LIMA1: variants seen among roughly 807,000 people sequenced by gnomAD.
LIMA1 encodes the protein LIM domain and actin binding 1.
LIMA1 carries 52 observed loss-of-function variants against 62.6 expected under a neutral mutation model. That is an observed-to-expected ratio of 0.83 (90% confidence interval 0.67 to 1.05). LIMA1 has a LOEUF of 1.05. LIMA1 is among the 50% of genes least tolerant of loss of function. LIMA1 has a pLI of 0.00. For missense variants in LIMA1, 780 were observed against 902.2 expected (o/e 0.86, Z 1.74); for synonymous variants, 302 against 317.8 (o/e 0.95, Z 0.53).
intron 1 of LIMA1, among the ~76,000 whole-genome samples, chr12:50,263,851 T>TAGAGAG (rs1215742051): frequency 4.7e-5 from 6 of 127,884 alleles, no homozygotes; most frequent in South Asian, 5.0e-4. Context: ...TATATATATA[T>TAGAGAG]AGAGAGTATA....
chr12:50,238,463 C>A (rs975828806), intron 2 of LIMA1, among the ~76,000 whole-genome samples: 1 of 151,814 alleles, frequency 6.6e-6, no homozygotes, highest in Admixed American at 6.6e-5. Context: ...GCCGAGATTG[C>A]GCCACTGCAC....
At chr12:50,218,502 C>G (rs1033029880) in intron 4 of LIMA1, among the ~76,000 whole-genome samples, 5 of 152,192 alleles carry the variant, frequency 3.3e-5, no homozygotes, top group African/African-American at 9.7e-5. Flanking sequence ...CTCCACAGTA[C>G]TTAGCACAGC....
At chr12:50,247,034 G>C (rs1812970599) in intron 2 of LIMA1, among the ~76,000 whole-genome samples, 1 of 152,162 alleles carries the variant, frequency 6.6e-6, no homozygotes, top group Admixed American at 6.5e-5. Context: ...TACTCAGAAG[G>C]CTGAGGTGGG....
In LIMA1 at chr12:50,205,906, T is replaced by C. The variant is rs563340873; in HGVS notation, c.715+78A>G. 3.8e-5 allele frequency: 38 copies of C among 996,432 alleles called. No homozygotes were observed. The Admixed American group carries it at 5.0e-4, about 13-fold the overall frequency. The allele number at this position is 996,432 out of a possible 1,614,324, so 61.7% of individuals were successfully genotyped here. On this transcript the variant is annotated intron_variant, in intron 5 of 10. Coordinates refer to ENST00000341247, the MANE Select transcript of LIMA1 (RefSeq NM_016357.5). ...TTGTGCCACTCTTCCTTTAAAAGCA[T>C]TGGCTTCGAGTCCAAAAGATGTTAC...
intron 9 of LIMA1, chr12:50,186,387 T>C (rs1175043373): frequency 6.6e-6 from 1 of 152,236 alleles, no homozygotes; most frequent in African/African-American, 2.4e-5. Context: ...ATTAAAACTG[T>C]AGGAAAACAG....
intron 4 of LIMA1, among the ~76,000 whole-genome samples, chr12:50,216,712 A>T (rs746893964): frequency 2.0e-5 from 3 of 151,948 alleles, no homozygotes; most frequent in Non-Finnish European, 4.4e-5. Context: ...AATACAAAAA[A>T]AGTTAGCCGG....
intron 1 of LIMA1, among the ~76,000 whole-genome samples, chr12:50,279,755 G>A (rs1241428240): frequency 6.6e-6 from 1 of 152,192 alleles, no homozygotes; most frequent in East Asian, 1.9e-4. Context: ...ACTATGCATG[G>A]ACAGACAGCT....
At chr12:50,254,674 C>T (rs1007348376) in intron 1 of LIMA1, among the ~76,000 whole-genome samples, 2 of 152,170 alleles carry the variant, frequency 1.3e-5, no homozygotes, top group Non-Finnish European at 2.9e-5. Flanking sequence ...CTGTTGCTTA[C>T]GGTGAGGCCG....
intron 1 of LIMA1, chr12:50,249,922 C>G (rs1471426565): frequency 6.6e-6 from 1 of 152,162 alleles, no homozygotes; most frequent in East Asian, 1.9e-4. Flanking sequence ...TCAGGTACTG[C>G]TTTCAATAAC....
chr12:50,222,575 A>C lies in LIMA1; in HGVS notation c.166-90T>G, dbSNP rs765400289. 4 of 1,578,132 alleles carry C rather than the reference A, an allele frequency of 2.5e-6. No homozygotes were observed. In the East Asian group the frequency reaches 9.2e-5, roughly 36 times the overall value. On this transcript the variant is annotated intron_variant, in intron 3 of 10. Transcript: ENST00000341247. ...TTTGTAAAATGAAAGTTAAAACTCC[A>C]AGCTGCTCCTGGTCCACTGCTGTTT...
intron 9 of LIMA1, chr12:50,188,143 A>G (rs1940672487): frequency 6.6e-6 from 1 of 152,222 alleles, no homozygotes; most frequent in African/African-American, 2.4e-5. Context: ...AAAATTTGAA[A>G]TGAATTGAAT....
chr12:50,181,164 G>A (rs1444830462), intron 10 of LIMA1, among the ~76,000 whole-genome samples: 1 of 151,394 alleles, frequency 6.6e-6, no homozygotes, highest in Non-Finnish European at 1.5e-5. Flanking sequence ...TAACACAGTG[G>A]GCAGCAGAAG....
intron 2 of LIMA1, among the ~76,000 whole-genome samples, chr12:50,238,688 A>G (rs1047644340): frequency 2.6e-5 from 4 of 151,840 alleles, no homozygotes; most frequent in African/African-American, 9.7e-5. Context: ...CGTCTCTACT[A>G]AAAATATAAA....
At chr12:50,203,175 A>G (rs11169316) in intron 6 of LIMA1, among the ~76,000 whole-genome samples, 235 of 150,410 alleles carry the variant, frequency 1.6e-3, no homozygotes, top group African/African-American at 5.2e-3. Context: ...ACACCTGGCT[A>G]ATTTTTTTTT....
Position 50,181,964 on chromosome 12 carries a change from GCCAAGAGACGCT to G in LIMA1, c.1202_1213del (p.Glu401_Leu404del). On this transcript the variant is annotated inframe_deletion, in exon 10 of 11. Transcript: ENST00000341247. ...GCTGATGTGAAACACCTGCTGGTTG[GCCAAGAGACGCT>G]CCATTGGATAGACTGTCTTCTGACA... 5 of 1,613,732 alleles carry G rather than the reference GCCAAGAGACGCT, an allele frequency of 3.1e-6. No individual in the cohort carries two copies. The highest frequency in any genetic ancestry group is 4.2e-6 in the Non-Finnish European group (5 of 1,180,010).
chr12:50,244,747 A>G (rs1565856591), intron 2 of LIMA1, among the ~76,000 whole-genome samples: 1 of 152,086 alleles, frequency 6.6e-6, no homozygotes, highest in Non-Finnish European at 1.5e-5. Flanking sequence ...GCCTTTTCCA[A>G]CCTCTTAACT....
At chr12:50,238,082 T>C (rs931925402) in intron 2 of LIMA1, among the ~76,000 whole-genome samples, 1 of 152,204 alleles carries the variant, frequency 6.6e-6, no homozygotes, top group African/African-American at 2.4e-5. Context: ...TTCTTATTTT[T>C]TCATCTTATT....
intron 7 of LIMA1, among the ~76,000 whole-genome samples, chr12:50,196,915 A>G (rs908200879): frequency 9.2e-5 from 14 of 152,152 alleles, no homozygotes; most frequent in Admixed American, 9.2e-4. Context: ...CGCCTTACAA[A>G]TGCACTATTT....
chr12:50,211,122 G>A lies in LIMA1; in HGVS notation c.631-5054C>T, dbSNP rs555892151. Among the ~76,000 whole-genome samples the A allele has an allele frequency of 3.9e-5, 6 of 152,186 alleles. No individual in the cohort carries two copies. The South Asian group carries it at 1.2e-3, about 32-fold the overall frequency. ...GGATTACCTGAGGTCAGGAGTTCAA[G>A]ACCAACCTGGCCAACCTGGTGAAAC... On this transcript the variant is annotated intron_variant, in intron 4 of 10. Transcript: ENST00000341247.
Sources: gnomAD v4.1 joint callset for allele counts (sites outside exome capture counted in the v4.1 genomes callset) on GRCh38, gnomAD v4.1.1 for gene constraint, MANE v1.5 for transcripts, NCBI Gene and HGNC (gene_info 2026-07-23, HGNC 2026-07-21) for gene names.